MTR: variants seen among roughly 807,000 people sequenced by gnomAD.
MTR encodes the protein 5-methyltetrahydrofolate-homocysteine methyltransferase, also known as methionine synthase.
MTR carries 84 observed loss-of-function variants against 154.8 expected under a neutral mutation model. That is an observed-to-expected ratio of 0.54 (90% CI 0.45 to 0.65). The LOEUF is 0.65. Among genes scored for constraint, MTR ranks in the 30% least tolerant of loss-of-function variants. MTR has a pLI of 0.00. For synonymous variants in MTR, 554 were observed against 553.9 expected (o/e 1.00, Z 0.00); for missense variants, 1,275 against 1,570.2 (o/e 0.81, Z 3.18).
chr1:236,804,353 GCTGT>G lies in MTR; in HGVS notation c.249+714_249+717del, dbSNP rs1373944627. Among the ~76,000 whole-genome samples, 5 of 152,170 alleles carry G rather than the reference GCTGT, an allele frequency of 3.3e-5. No homozygotes were observed. In the East Asian group the frequency reaches 9.6e-4, roughly 29 times the overall value. ...CCATGTGAAGATACAGTGAGAAGAT[GCTGT>G]CTATGAACTAGAAAGCTGGCGCTCA... is the stretch of plus-strand genomic sequence containing the variant. On this transcript the variant is annotated intron_variant, in intron 2 of 32. Coordinates refer to ENST00000366577, the MANE Select transcript of MTR (RefSeq NM_000254.3).
chr1:236,843,047 C>A (rs1317623954), intron 15 of MTR, among the ~76,000 whole-genome samples: 1 of 147,346 alleles, frequency 6.8e-6, no homozygotes, highest in Non-Finnish European at 1.5e-5. Context: ...GATTGCACCA[C>A]TGCACTCCAG....
In MTR at chr1:236,886,480, C is replaced by G. The variant is rs557813893; in HGVS notation, c.2851+113C>G. The G allele has an allele frequency of 7.6e-6, 7 of 926,828 alleles. No individual in the cohort carries two copies. The African/African-American group carries it at 9.8e-5, about 13-fold the overall frequency. The allele number at this position is 926,828 out of a possible 1,614,324, so 57.4% of individuals were successfully genotyped here. ...CAAACCAGCAGCTAACGACTCTCAACTGTGTCTAATGCTGATGAGTGACTG... is the reference window on the plus strand; with the variant it reads ...CAAACCAGCAGCTAACGACTCTCAAGTGTGTCTAATGCTGATGAGTGACTG... On this transcript the variant is annotated intron_variant, in intron 27 of 32. Transcript: ENST00000366577.
At chr1:236,839,712 A>G (rs1469864131) in intron 15 of MTR, among the ~76,000 whole-genome samples, 1 of 152,212 alleles carries the variant, frequency 6.6e-6, no homozygotes, top group African/African-American at 2.4e-5. Flanking sequence ...CTTCCTGGGA[A>G]TCTAGTAATA....
At position 236,898,688 on chromosome 1, in the gene MTR, C is replaced by A. The variant is rs1466361204; in HGVS notation, c.*1044C>A. 1 of 152,322 alleles carries A rather than the reference C, an allele frequency of 6.6e-6. No individual in the cohort carries two copies. Among genetic ancestry groups the A allele is most frequent in the Non-Finnish European group, 1.5e-5 (1 of 68,170 alleles). 9.4% of individuals were successfully genotyped at this position (152,322 alleles called of 1,614,324 possible). On this transcript the variant is annotated 3_prime_UTR_variant, in exon 33 of 33. Transcript: ENST00000366577. ...TCAGCCTCCCAAAATGCTGGGATTA[C>A]AGGCGTGAGCCACCGAGCCTGGCCG...
At chr1:236,854,337 G>A (rs1465357459) in intron 18 of MTR, among the ~76,000 whole-genome samples, 1 of 152,176 alleles carries the variant, frequency 6.6e-6, no homozygotes, top group Non-Finnish European at 1.5e-5. Flanking sequence ...TTCTCATGTG[G>A]ACCCAGGACA....
chr1:236,868,997 T>G (rs1461906225), intron 22 of MTR, among the ~76,000 whole-genome samples: 1 of 152,214 alleles, frequency 6.6e-6, no homozygotes, highest in South Asian at 2.1e-4. Context: ...CTGGCACTAC[T>G]TAAGTACAGG....
chr1:236,897,641 CTAACT>C lies in MTR; in HGVS notation c.3797_*3del. On this transcript the variant is annotated stop_lost and 3_prime_UTR_variant, in exon 33 of 33. Transcript: ENST00000366577. ...GACCCATTTTGGGATATGATACAGA[CTAACT>C]TTTTTTTTTTTTTTGCCTTTTTTAT... is the stretch of plus-strand genomic sequence containing the variant. The C allele has an allele frequency of 1.3e-6, 2 of 1,597,812 alleles. No individual in the cohort carries two copies. Among genetic ancestry groups the C allele is most frequent in the Non-Finnish European group, 1.7e-6 (2 of 1,168,048 alleles).
chr1:236,811,167 G>A (rs1343652010), intron 5 of MTR, among the ~76,000 whole-genome samples: 1 of 152,036 alleles, frequency 6.6e-6, no homozygotes, highest in East Asian at 1.9e-4. Context: ...GCTTGTACAG[G>A]GAAACTCCCC....
intron 27 of MTR, among the ~76,000 whole-genome samples, chr1:236,888,931 A>C (rs1036213749): frequency 1.3e-5 from 2 of 152,162 alleles, no homozygotes; most frequent in African/African-American, 4.8e-5. Flanking sequence ...TGGGGATGGA[A>C]GGGTTGAGGG....
intron 18 of MTR, among the ~76,000 whole-genome samples, chr1:236,854,142 T>G (rs1413812278): frequency 6.6e-6 from 1 of 152,206 alleles, no homozygotes; most frequent in Non-Finnish European, 1.5e-5. Context: ...AATAAAATGC[T>G]CTGGAAGAAG....
Position 236,898,758 on chromosome 1 carries a change from T to C in MTR, c.*1114T>C, listed in dbSNP as rs910316628. On this transcript the variant is annotated 3_prime_UTR_variant, in exon 33 of 33. Coordinates refer to ENST00000366577, the MANE Select transcript of MTR (RefSeq NM_000254.3). Reference sequence around the variant, plus strand: ...TTCCAGGATTGAGCAGGTTCTCAGCTGGGCTCTGATATCCCGTGCGGAGTT... The same window carrying C: ...TTCCAGGATTGAGCAGGTTCTCAGCCGGGCTCTGATATCCCGTGCGGAGTT... The C allele has an allele frequency of 1.3e-5, 2 of 152,268 alleles. No individual in the cohort carries two copies. The highest frequency in any genetic ancestry group is 6.5e-5 in the Admixed American group (1 of 15,276). The allele number at this position is 152,268 out of a possible 1,614,324, so 9.4% of individuals were successfully genotyped here.
At chr1:236,841,760 T>C (rs545999666) in intron 15 of MTR, among the ~76,000 whole-genome samples, 1 of 152,348 alleles carries the variant, frequency 6.6e-6, no homozygotes, top group East Asian at 1.9e-4. Flanking sequence ...GGCCGTATTC[T>C]ACTTTTACAC....
At chr1:236,800,757 A>G (rs748346641) in intron 1 of MTR, among the ~76,000 whole-genome samples, 5 of 152,210 alleles carry the variant, frequency 3.3e-5, no homozygotes, top group Non-Finnish European at 5.9e-5. Context: ...TATTTATCAG[A>G]TGTTTACTAT....
intron 12 of MTR, among the ~76,000 whole-genome samples, chr1:236,831,139 G>A (rs940985352): frequency 2.6e-5 from 4 of 152,168 alleles, no homozygotes; most frequent in African/African-American, 7.2e-5. Context: ...ACCCAAGGCC[G>A]TCTGTACCCA....
In MTR at chr1:236,833,793, C is replaced by T. The variant is rs540055077; in HGVS notation, c.1188+1715C>T. On this transcript the variant is annotated intron_variant, in intron 13 of 32. Transcript: ENST00000366577. Reference sequence around the variant, plus strand: ...TGTTTGGGAAGGTTAGACTTTGAAGCTGTTATTCCGTGATTCTTAAGAAAT... The same window carrying T: ...TGTTTGGGAAGGTTAGACTTTGAAGTTGTTATTCCGTGATTCTTAAGAAAT... Among the ~76,000 whole-genome samples, 107 of 152,316 alleles carry T rather than the reference C, an allele frequency of 7.0e-4. 2 individuals carry two copies. The highest frequency in any genetic ancestry group is 2.5e-3 in the African/African-American group (105 of 41,552).
chr1:236,843,983 T>C (rs542303766), intron 15 of MTR, among the ~76,000 whole-genome samples: 25 of 152,302 alleles, frequency 1.6e-4, no homozygotes, highest in Admixed American at 5.2e-4. Context: ...GTACATGCTA[T>C]TTAAAATAGT....
intron 2 of MTR, among the ~76,000 whole-genome samples, chr1:236,804,069 TG>T (rs778827276): frequency 9.2e-5 from 14 of 152,214 alleles, no homozygotes; most frequent in Non-Finnish European, 1.9e-4. Context: ...TTCTGGAAGC[TG>T]GAAGTCCACA....
chr1:236,808,610 A>T, intron 3 of MTR, 94 bp from the exon 4 acceptor site: 1 of 1,209,896 alleles, frequency 8.3e-7, no homozygotes, highest in Non-Finnish European at 1.2e-6. Context: ...ACATTTTGTT[A>T]CTGAAGAAAA....
chr1:236,815,749 A>G, intron 7 of MTR, 86 bp downstream of exon 7: 1 of 1,291,100 alleles, frequency 7.7e-7, no homozygotes. Flanking sequence ...GCATAGTAGA[A>G]CTATTAATGG....
Sources: allele counts gnomAD v4.1 joint callset (sites outside exome capture counted in the v4.1 genomes callset), GRCh38; gene constraint gnomAD v4.1.1; transcripts MANE v1.5; gene names NCBI Gene and HGNC (gene_info 2026-07-23, HGNC 2026-07-21).